Variants in SOS1 observed in about 807,000 individuals in gnomAD.
The protein encoded by SOS1 is SOS Ras/Rac guanine nucleotide exchange factor 1, also known as son of sevenless homolog 1.
A neutral mutation model predicts 157.6 loss-of-function variants in SOS1; 25 were observed. That is an observed-to-expected ratio of 0.16 (90% CI 0.12 to 0.22). The LOEUF (loss-of-function observed/expected upper bound fraction) is 0.22. Ranked by LOEUF, SOS1 falls within the 10% of genes least tolerant of loss-of-function variation. SOS1 has a pLI of 1.00. For missense variants in SOS1, 1,237 were observed against 1,599.1 expected, an observed-to-expected ratio of 0.77 and a Z score of 3.86; for synonymous variants, 528 against 534.0, an observed-to-expected ratio of 0.99 and a Z score of 0.16.
At chr2:39,074,605 T>C (rs572613634) in intron 1 of SOS1, among the ~76,000 whole-genome samples, 71 of 152,028 alleles carry the variant, frequency 4.7e-4, no homozygotes, top group African/African-American at 1.7e-3. Context: ...CGGTGGCTCA[T>C]GCCTGTAATC....
chr2:39,054,020 C>T (rs1671117508), intron 5 of SOS1, among the ~76,000 whole-genome samples: 1 of 152,032 alleles, frequency 6.6e-6, no homozygotes, highest in South Asian at 2.1e-4. Flanking sequence ...CTCCGCCTCC[C>T]AGGTTCACGC....
chr2:39,036,777 G>A (rs111920164), intron 6 of SOS1, among the ~76,000 whole-genome samples: 7,292 of 151,750 alleles, frequency 0.048, 649 homozygotes, highest in African/African-American at 0.17. Context: ...GGGTTTCACC[G>A]TGTAAGCCAG....
chr2:39,113,282 C>T (rs1341747419), intron 1 of SOS1, among the ~76,000 whole-genome samples: 2 of 152,018 alleles, frequency 1.3e-5, no homozygotes, highest in African/African-American at 4.8e-5. Context: ...CCTCAAACAC[C>T]TGAGCTCAAG....
intron 14 of SOS1, among the ~76,000 whole-genome samples, chr2:39,011,427 T>C (rs1669469120): frequency 6.6e-6 from 1 of 152,132 alleles, no homozygotes; most frequent in South Asian, 2.1e-4. Context: ...ACATCTTTTT[T>C]TTTTCTTTTG....
chr2:39,113,962 T>A (rs1673540756), intron 1 of SOS1, among the ~76,000 whole-genome samples: 2 of 152,244 alleles, frequency 1.3e-5, no homozygotes, highest in Admixed American at 6.5e-5. Flanking sequence ...TGTTCTTCCA[T>A]CTTCTACTAT....
chr2:39,035,569 G>A lies in SOS1; in HGVS notation c.865-69C>T. On this transcript the variant is annotated intron_variant, in intron 6 of 22. Transcript: ENST00000402219. Reference sequence around the variant, plus strand: ...AAACACAGAAAGATTTAATTATGGGGCACGACTATGCGAGCACAATTATGT... The same window carrying A: ...AAACACAGAAAGATTTAATTATGGGACACGACTATGCGAGCACAATTATGT... 9 of 1,090,232 alleles carry A rather than the reference G, an allele frequency of 8.3e-6. No homozygotes were observed. In the South Asian group the frequency reaches 1.2e-4, roughly 14 times the overall value. 67.5% of individuals were successfully genotyped at this position (1,090,232 alleles called of 1,614,324 possible). A position where few individuals can be genotyped will look rare whatever the true frequency, so the allele number is the denominator to read the frequency against.
chr2:39,036,613 G>A (rs1413374964), intron 6 of SOS1, among the ~76,000 whole-genome samples: 1 of 151,480 alleles, frequency 6.6e-6, no homozygotes, highest in Non-Finnish European at 1.5e-5. Context: ...TCCCTCTGTC[G>A]GCCAGGCTGG....
chr2:39,036,033 A>G (rs1436124407), intron 6 of SOS1, among the ~76,000 whole-genome samples: 1 of 152,206 alleles, frequency 6.6e-6, no homozygotes, highest in African/African-American at 2.4e-5. Flanking sequence ...TGCCATCATT[A>G]ATATCACCAA....
At position 39,044,842 on chromosome 2, in the gene SOS1, A is replaced by G. The variant is rs182765683; in HGVS notation, c.864+6302T>C. On this transcript the variant is annotated intron_variant, in intron 6 of 22. Coordinates refer to ENST00000402219, the MANE Select transcript of SOS1 (RefSeq NM_005633.4). ...CACATATACTGAGGGATGACTGTGT[A>G]CACACACATGCGCGCGCGCGCGCAC... Among the ~76,000 whole-genome samples the G allele has an allele frequency of 3.3e-3, 417 of 125,398 alleles. 2 individuals are homozygous for G. Among genetic ancestry groups the G allele is most frequent in the Admixed American group, 3.7e-3 (43 of 11,590 alleles). 82.3% of individuals were successfully genotyped at this position (125,398 alleles called of 152,430 possible).
chr2:39,018,627 C>G (rs1669703438), intron 10 of SOS1, among the ~76,000 whole-genome samples: 1 of 151,736 alleles, frequency 6.6e-6, no homozygotes, highest in Admixed American at 6.6e-5. Flanking sequence ...ATAATCCAAT[C>G]CTTTTTCCTT....
intron 6 of SOS1, among the ~76,000 whole-genome samples, chr2:39,044,862 G>GCA (rs1271039137): frequency 5.5e-3 from 183 of 33,130 alleles, no homozygotes; most frequent in East Asian, 0.014. Context: ...GCGCGCGCGC[G>GCA]CGCACACACA....
At chr2:39,056,027 A>ATCT (rs1478253390) in intron 4 of SOS1, among the ~76,000 whole-genome samples, 18 of 152,242 alleles carry the variant, frequency 1.2e-4, no homozygotes, top group Non-Finnish European at 2.6e-4. Context: ...GTATCTGAAG[A>ATCT]AAGCTAGGTG....
intron 1 of SOS1, among the ~76,000 whole-genome samples, chr2:39,119,797 C>A (rs1199585489): frequency 6.6e-6 from 1 of 152,172 alleles, no homozygotes; most frequent in Non-Finnish European, 1.5e-5. Flanking sequence ...TGTGCACCAG[C>A]CCCTGTTAAT....
chr2:39,056,178 C>G (rs1671203219), intron 4 of SOS1, among the ~76,000 whole-genome samples: 1 of 152,078 alleles, frequency 6.6e-6, no homozygotes, highest in South Asian at 2.1e-4. Context: ...GCCTGTAATT[C>G]CAGCACTTTG....
intron 14 of SOS1, among the ~76,000 whole-genome samples, 191 bp from the exon 15 acceptor site, chr2:39,010,894 A>ACCT (rs1669443382): frequency 2.7e-5 from 1 of 37,336 alleles, no homozygotes. Flanking sequence ...ATTTTTTTTA[A>ACCT]ACTTTTTTTT....
chr2:39,013,604 C>T, intron 12 of SOS1, 41 bp from the exon 13 acceptor site: 5 of 1,280,426 alleles, frequency 3.9e-6, no homozygotes, highest in Non-Finnish European at 5.7e-6. Flanking sequence ...GGGAATCAAA[C>T]ATAAATGTTT....
chr2:39,105,758 G>A (rs1032055176), intron 1 of SOS1, among the ~76,000 whole-genome samples: 1 of 151,944 alleles, frequency 6.6e-6, no homozygotes, highest in African/African-American at 2.4e-5. Flanking sequence ...AAAATAGCTG[G>A]GTGTAGTGGC....
chr2:39,064,749 T>TTC (rs1671535741), intron 2 of SOS1, among the ~76,000 whole-genome samples: 1 of 114,464 alleles, frequency 8.7e-6, no homozygotes, highest in Non-Finnish European at 1.8e-5. Context: ...TACATTTTTT[T>TTC]TTTTTTTTTT....
intron 8 of SOS1, among the ~76,000 whole-genome samples, chr2:39,024,345 A>G (rs955232705): frequency 6.6e-6 from 1 of 152,194 alleles, no homozygotes; most frequent in Non-Finnish European, 1.5e-5. Flanking sequence ...CAAGATTAGC[A>G]GTGTTAAGAT....
Sources: gnomAD v4.1 joint callset for allele counts (sites outside exome capture counted in the v4.1 genomes callset) on GRCh38, gnomAD v4.1.1 for gene constraint, MANE v1.5 for transcripts, NCBI Gene and HGNC (gene_info 2026-07-23, HGNC 2026-07-21) for gene names.